Variants in BMX observed in about 807,000 individuals in gnomAD.
The protein encoded by BMX is cytoplasmic tyrosine-protein kinase BMX.
BMX carries 31 observed loss-of-function variants against 59.2 expected under a neutral mutation model. The ratio of observed to expected loss-of-function variants is 0.52; its 90% CI spans 0.39 to 0.71. The LOEUF (loss-of-function observed/expected upper bound fraction) is 0.71, where lower values mean the gene tolerates loss of function less well. BMX is among the 30% of genes least tolerant of loss of function. The pLI is 0.00. For missense variants in BMX, 474 were observed against 491.7 expected (o/e 0.96, Z 0.34); for synonymous variants, 185 against 181.0 (o/e 1.02, Z -0.18).
rs1925565249 is a variant in BMX, at chrX:15,539,803, A to G, written c.1395-2179A>G. Among the ~76,000 whole-genome samples the G allele has an allele frequency of 2.7e-5, 3 of 112,183 alleles. No individual in the cohort carries two copies. In the South Asian group the frequency reaches 1.1e-3, roughly 42 times the overall value. On this transcript the variant is annotated intron_variant, in intron 14 of 18. Transcript: ENST00000348343. ...TGTCCCTTCTCAAAAGAAGACATTT[A>G]TGCGGACAACAAACATATGAAAAAA...
chrX:15,552,807 C>A (rs1926257673), intron 18 of BMX, among the ~76,000 whole-genome samples: 1 of 111,965 alleles, frequency 8.9e-6, no homozygotes, highest in South Asian at 3.7e-4. Flanking sequence ...GAAATAGCGG[C>A]AAAATAAGAT....
chrX:15,550,990 G>T (rs1253208197), intron 18 of BMX, among the ~76,000 whole-genome samples: 2 of 111,224 alleles, frequency 1.8e-5, no homozygotes, highest in Non-Finnish European at 1.9e-5. Flanking sequence ...AAGCAAAGGT[G>T]TGGAGGCAGG....
chrX:15,508,213 CATCA>C (rs770941516), intron 1 of BMX, 128 bp from the exon 2 acceptor site: 1 of 375,226 alleles, frequency 2.7e-6, no homozygotes, highest in Non-Finnish European at 4.3e-6. Context: ...TATAATCCTA[CATCA>C]GTCTCATTTA....
intron 10 of BMX, among the ~76,000 whole-genome samples, chrX:15,530,819 C>G (rs1253847496): frequency 8.9e-6 from 1 of 112,074 alleles, no homozygotes; most frequent in East Asian, 2.8e-4. Flanking sequence ...GATAAAAACA[C>G]TAAACATTAC....
At chrX:15,526,702 C>T (rs1924748355) in intron 9 of BMX, among the ~76,000 whole-genome samples, 1 of 108,174 alleles carries the variant, frequency 9.2e-6, no homozygotes, top group African/African-American at 3.4e-5. Flanking sequence ...TCTCCTACCT[C>T]AGCCTCCCGA....
intron 1 of BMX, among the ~76,000 whole-genome samples, chrX:15,502,142 G>C (rs755905661): frequency 9.0e-6 from 1 of 111,395 alleles, no homozygotes; most frequent in Admixed American, 9.5e-5. Flanking sequence ...TTGTTTCACT[G>C]CCTTTACAGA....
At chrX:15,518,275 C>T (rs189032424) in intron 6 of BMX, among the ~76,000 whole-genome samples, 163 of 109,993 alleles carry the variant, frequency 1.5e-3, no homozygotes, top group African/African-American at 5.1e-3. Flanking sequence ...TGGGTGCATG[C>T]GGGAGATGTC....
Position 15,522,457 on chromosome X carries a change from T to C in BMX, c.622T>C (p.Ser208Pro). The C allele has an allele frequency of 8.2e-7, 1 of 1,212,338 alleles. No homozygotes were observed. Reference sequence around the variant, plus strand: ...GAAAAACTATGGCTCCCAGCCACCATCTTCAAGTACCAGTCTAGCGCAATA... The same window carrying C: ...GAAAAACTATGGCTCCCAGCCACCACCTTCAAGTACCAGTCTAGCGCAATA... ...SKKNYGSQPP[S>P]SSTSLAQYDS... The change falls in exon 7 of 19, where the codon TCT (serine) becomes CCT (proline). Residue 208 changes from serine to proline, a missense_variant. Physicochemically the swap from Ser to Pro is moderately conservative, Grantham distance 74. Coordinates refer to ENST00000348343, the MANE Select transcript of BMX (RefSeq NM_203281.3).
At chrX:15,548,330 G>T (rs753928893) in intron 17 of BMX, among the ~76,000 whole-genome samples, 2 of 110,654 alleles carry the variant, frequency 1.8e-5, no homozygotes, top group African/African-American at 3.3e-5. Flanking sequence ...GGTGGTGCGC[G>T]CCTGTAACCC....
At chrX:15,522,081 T>A (rs1163764661) in intron 6 of BMX, among the ~76,000 whole-genome samples, 1 of 111,328 alleles carries the variant, frequency 9.0e-6, no homozygotes, top group Non-Finnish European at 1.9e-5. Context: ...ACATCCAGAT[T>A]TACTAGATTC....
At position 15,529,602 on chromosome X, in the gene BMX, G is replaced by C. The variant is rs139860538; in HGVS notation, c.885-371G>C. Among the ~76,000 whole-genome samples, 869 of 112,793 alleles carry C rather than the reference G, an allele frequency of 7.7e-3. 5 individuals carry two copies. Among genetic ancestry groups the C allele is most frequent in the Non-Finnish European group, 0.012 (656 of 53,334 alleles). ...TTACAAGGAAATTATATGATTGGAAGACAAGAGCTTTCATCCTTGGCAGCC... is the reference window on the plus strand; with the variant it reads ...TTACAAGGAAATTATATGATTGGAACACAAGAGCTTTCATCCTTGGCAGCC... On this transcript the variant is annotated intron_variant, in intron 9 of 18. Transcript: ENST00000348343.
At chrX:15,502,144 C>G (rs761218180) in intron 1 of BMX, among the ~76,000 whole-genome samples, 4 of 111,287 alleles carry the variant, frequency 3.6e-5, no homozygotes, top group African/African-American at 9.8e-5. Flanking sequence ...GTTTCACTGC[C>G]TTTACAGATG....
Position 15,556,391 on chromosome X carries a change from T to C in BMX, c.*244T>C, listed in dbSNP as rs762633729. On this transcript the variant is annotated 3_prime_UTR_variant, in exon 19 of 19. Transcript: ENST00000348343. ...TTTCCAGCCTATAGCAGAAGCACAT[T>C]TTCAGACTGCAATATAGAGACTGTG... 80 of 282,364 alleles carry C rather than the reference T, an allele frequency of 2.8e-4. 1 individual carries two copies. In the Middle Eastern group the frequency reaches 7.0e-3, roughly 25 times the overall value. The allele number at this position is 282,364 out of a possible 1,213,427, so 23.3% of individuals were successfully genotyped here.
At chrX:15,539,582 A>T (rs1388117579) in intron 14 of BMX, among the ~76,000 whole-genome samples, 2 of 112,099 alleles carry the variant, frequency 1.8e-5, no homozygotes, top group African/African-American at 6.5e-5. Flanking sequence ...GAGTGACATG[A>T]TAAGCATTGT....
intron 17 of BMX, among the ~76,000 whole-genome samples, chrX:15,549,086 G>T (rs1926075525): frequency 9.0e-6 from 1 of 111,452 alleles, no homozygotes; most frequent in Non-Finnish European, 1.9e-5. Context: ...AGTGACAGAA[G>T]TCAACTTCAA....
chrX:15,530,181 T>C (rs914480573), intron 10 of BMX, among the ~76,000 whole-genome samples, 154 bp downstream of exon 10: 1 of 112,148 alleles, frequency 8.9e-6, no homozygotes, highest in Non-Finnish European at 1.9e-5. Flanking sequence ...CGACTCTTCA[T>C]GTCTAGCCAC....
chrX:15,549,978 T>A lies in BMX; in HGVS notation c.1934T>A (p.Met645Lys). The change falls in exon 18 of 19, where the codon ATG becomes AAG. Residue 645 changes from methionine to lysine, a missense_variant. Met to Lys is a moderately conservative substitution (Grantham distance 95). Transcript: ENST00000348343. ...GCATCGGACACCATCTACCAGATCA[T>A]GTACAGCTGCTGGCACGAGGCAAGT... ...HLASDTIYQI[M>K]YSCWHELPEK... The A allele has an allele frequency of 8.3e-7, 1 of 1,205,217 alleles. No individual in the cohort carries two copies. Among genetic ancestry groups the A allele is most frequent in the Non-Finnish European group, 1.1e-6 (1 of 891,717 alleles).
intron 1 of BMX, among the ~76,000 whole-genome samples, chrX:15,505,568 C>G (rs1164648830): frequency 8.9e-6 from 1 of 112,355 alleles, no homozygotes; most frequent in African/African-American, 3.2e-5. Context: ...TTTTCCCTGT[C>G]TGTATCTCTT....
rs1288345731 is a variant in BMX at position 15,542,101 on chromosome X, G to C, written c.1514G>C (p.Gly505Ala). 8.3e-6 allele frequency: 10 copies of C among 1,211,734 alleles called. No homozygotes were observed. The highest frequency in any genetic ancestry group is 1.1e-5 in the Non-Finnish European group (10 of 895,349). The change falls in exon 15 of 19, where the codon GGA (glycine) becomes GCA (alanine). Residue 505 changes from glycine (G) to alanine (A), a missense_variant. Transcript: ENST00000348343. ...GCLLNYLRSHGKGLEPSQLLE... is the reference protein window; with the variant it reads ...GCLLNYLRSHAKGLEPSQLLE... The stretch of plus-strand genomic sequence containing the variant: ...TTGCTGAATTACCTGAGGAGTCACG[G>C]AAAAGGACTTGAACCTTCCCAGCTC...
Sources: allele counts gnomAD v4.1 joint callset (sites outside exome capture counted in the v4.1 genomes callset), GRCh38; gene constraint gnomAD v4.1.1; transcripts MANE v1.5; gene names NCBI Gene and HGNC (gene_info 2026-07-23, HGNC 2026-07-21).